Variants in ASB17 observed in about 807,000 individuals in gnomAD.
ASB17 encodes the protein ankyrin repeat and SOCS box containing 17, also known as ankyrin repeat and SOCS box protein 17.
In ASB17, 26 loss-of-function variants were observed where a neutral mutation model predicts 25.7. That is an observed-to-expected ratio of 1.01 (90% CI 0.74 to 1.40). ASB17 has a LOEUF of 1.40. Ranked by LOEUF, ASB17 falls within the 40% of genes most tolerant of loss-of-function variation. The probability of loss-of-function intolerance (pLI) is 0.00; values close to 1 mark genes in which losing one functional copy is unlikely to be tolerated. For synonymous variants in ASB17, 128 were observed against 121.4 expected, an observed-to-expected ratio of 1.05 and a Z score of -0.36; for missense variants, 326 against 338.5, an observed-to-expected ratio of 0.96 and a Z score of 0.29.
In ASB17 at chr1:75,922,248, G is replaced by T. The variant is rs769395035; in HGVS notation, c.513C>A (p.Ile171=). 3.7e-6 allele frequency: 6 copies of T among 1,613,298 alleles called. No individual in the cohort carries two copies. In the African/African-American group the frequency reaches 5.3e-5, roughly 14 times the overall value. Residue 171 remains isoleucine (I), a synonymous_variant, in exon 2 of 3, where the codon ATC becomes ATA. Transcript: ENST00000284142. ...TGATAGGGTTTTTTTCTCTTTCTAA[G>T]ATTCCATATTGCAGTAGTATTTTGA... ...NIFKILLQYG[I]LEREKNPINI... is the part of the protein sequence containing the mutation.
At chr1:75,928,996 C>T (rs1398687003) in intron 1 of ASB17, among the ~76,000 whole-genome samples, 1 of 152,058 alleles carries the variant, frequency 6.6e-6, no homozygotes, top group African/African-American at 2.4e-5. Context: ...GGTATTTATA[C>T]TGTGACCTAG....
Position 75,922,141 on chromosome 1 carries a change from G to A in ASB17, c.620C>T (p.Ala207Val). The change falls in exon 2 of 3, where the codon GCC becomes GTC. Residue 207 changes from alanine (A) to valine (V), a missense_variant. Physicochemically the swap from Ala to Val is moderately conservative, Grantham distance 64. Coordinates refer to ENST00000284142, the MANE Select transcript of ASB17 (RefSeq NM_080868.3). ...GGAACATAGTACCAAACATGTTTTGGCATCTTCATGGATGTCAGCCAATTC... is the reference window on the plus strand; with the variant it reads ...GGAACATAGTACCAAACATGTTTTGACATCTTCATGGATGTCAGCCAATTC... ...DRELADIHED[A>V]KTCLVLCSRV... is the part of the protein sequence containing the mutation. The A allele has an allele frequency of 6.2e-7, 1 of 1,613,664 alleles. No individual in the cohort carries two copies. Among genetic ancestry groups the A allele is most frequent in the Non-Finnish European group, 8.5e-7 (1 of 1,179,802 alleles).
intron 1 of ASB17, among the ~76,000 whole-genome samples, chr1:75,927,363 T>C (rs1653199600): frequency 6.6e-6 from 1 of 152,128 alleles, no homozygotes; most frequent in Admixed American, 6.5e-5. Flanking sequence ...AATTTAGAAA[T>C]CTGAAGATTA....
intron 1 of ASB17, 32 bp downstream of exon 1, chr1:75,931,859 T>C (rs1255641093): frequency 6.6e-7 from 1 of 1,518,222 alleles, no homozygotes; most frequent in Non-Finnish European, 8.8e-7. Flanking sequence ...TAAATTTTCT[T>C]GTTCTATAGT....
intron 1 of ASB17, among the ~76,000 whole-genome samples, chr1:75,927,679 C>G (rs1653208813): frequency 6.6e-6 from 1 of 151,862 alleles, no homozygotes; most frequent in Non-Finnish European, 1.5e-5. Context: ...GATCACTTTC[C>G]CCCCAACTCT....
At chr1:75,924,844 C>T (rs916245745) in intron 1 of ASB17, among the ~76,000 whole-genome samples, 1 of 151,756 alleles carries the variant, frequency 6.6e-6, no homozygotes, top group Non-Finnish European at 1.5e-5. Flanking sequence ...TCTAACTCAT[C>T]TTTATGAGAC....
Position 75,922,150 on chromosome 1 carries a change from T to A in ASB17, c.611A>T (p.His204Leu), listed in dbSNP as rs1233976593. The A allele has an allele frequency of 4.3e-6, 7 of 1,613,980 alleles. No homozygotes were observed. The highest frequency in any genetic ancestry group is 3.4e-6 in the Non-Finnish European group (4 of 1,179,894). The part of the protein sequence containing the change: ...VMVDRELADI[H>L]EDAKTCLVLC... The stretch of plus-strand genomic sequence containing the variant: ...TACCAAACATGTTTTGGCATCTTCA[T>A]GGATGTCAGCCAATTCACGATCAAC... The change falls in exon 2 of 3, where the codon CAT (histidine) becomes CTT (leucine). Residue 204 changes from histidine to leucine, a missense_variant. Coordinates refer to ENST00000284142, the MANE Select transcript of ASB17 (RefSeq NM_080868.3).
intron 1 of ASB17, among the ~76,000 whole-genome samples, chr1:75,927,305 T>G (rs1653198397): frequency 6.9e-6 from 1 of 145,490 alleles, no homozygotes. Flanking sequence ...TTGTGGTAAT[T>G]TGTTGCAGCA....
At chr1:75,921,442 G>A (rs1033490004) in intron 2 of ASB17, among the ~76,000 whole-genome samples, 5 of 152,034 alleles carry the variant, frequency 3.3e-5, no homozygotes, top group Admixed American at 1.3e-4. Context: ...TCTATTAAAC[G>A]GACTTCTTTC....
In ASB17 at chr1:75,919,108, G is replaced by A. The variant is rs2100606053; in HGVS notation, c.732C>T (p.Tyr244=). 1 of 1,613,176 alleles carries A rather than the reference G, an allele frequency of 6.2e-7. No individual in the cohort carries two copies. Reference sequence around the variant, plus strand: ...GATCTTTGTATCTTGTTGAAGGAATGTAATCAAACCAATTTGAAATAATTG... The same window carrying A: ...GATCTTTGTATCTTGTTGAAGGAATATAATCAAACCAATTTGAAATAATTG... ...RHPIISNWFD[Y]IPSTRYKDPC... The change falls in exon 3 of 3, where the codon TAC becomes TAT. Residue 244 remains tyrosine, a synonymous_variant. Transcript: ENST00000284142.
chr1:75,924,728 C>A (rs1653122473), intron 1 of ASB17, among the ~76,000 whole-genome samples: 3 of 152,062 alleles, frequency 2.0e-5, no homozygotes, highest in Admixed American at 6.6e-5. Context: ...CATTACCTAT[C>A]ATTGGTATGC....
chr1:75,926,107 A>C (rs1380633816), intron 1 of ASB17, among the ~76,000 whole-genome samples: 1 of 152,238 alleles, frequency 6.6e-6, no homozygotes, highest in Non-Finnish European at 1.5e-5. Flanking sequence ...TTCAACAAAT[A>C]CTGAATGCAT....
chr1:75,931,819 GA>G, intron 1 of ASB17, 71 bp downstream of exon 1: 1 of 1,404,406 alleles, frequency 7.1e-7, no homozygotes, highest in Non-Finnish European at 9.5e-7. Flanking sequence ...GTGAGTTTTA[GA>G]AAAAAGAAGC....
At chr1:75,929,932 G>A (rs1300659229) in intron 1 of ASB17, among the ~76,000 whole-genome samples, 1 of 150,742 alleles carries the variant, frequency 6.6e-6, no homozygotes, top group African/African-American at 2.4e-5. Context: ...TGTTAATCGG[G>A]GGTTGGGGGG....
intron 1 of ASB17, among the ~76,000 whole-genome samples, chr1:75,930,017 T>C (rs973750498): frequency 6.6e-6 from 1 of 151,848 alleles, no homozygotes; most frequent in African/African-American, 2.4e-5. Flanking sequence ...TCTATTCAGT[T>C]TGAGATGCCA....
chr1:75,924,042 C>A (rs1382219250), intron 1 of ASB17, among the ~76,000 whole-genome samples: 1 of 152,026 alleles, frequency 6.6e-6, no homozygotes, highest in East Asian at 1.9e-4. Context: ...ACTATAGAAG[C>A]ACTGAGGAGG....
chr1:75,920,486 T>C (rs17649675), intron 2 of ASB17, among the ~76,000 whole-genome samples: 40,753 of 152,168 alleles, frequency 0.27, 7,105 homozygotes, highest in East Asian at 0.7. Flanking sequence ...AGACACATCC[T>C]CTGTGCTTAC....
At chr1:75,921,725 AC>A (rs1245494439) in intron 2 of ASB17, among the ~76,000 whole-genome samples, 1 of 152,136 alleles carries the variant, frequency 6.6e-6, no homozygotes, top group Non-Finnish European at 1.5e-5. Context: ...GAGAAATGTA[AC>A]CCTTATTTTG....
chr1:75,929,148 TA>T (rs1322003198), intron 1 of ASB17, among the ~76,000 whole-genome samples: 1 of 151,990 alleles, frequency 6.6e-6, no homozygotes, highest in Admixed American at 6.6e-5. Flanking sequence ...AAAGGGAGAG[TA>T]ATACAAGATG....
Sources: gnomAD v4.1 joint callset for allele counts (sites outside exome capture counted in the v4.1 genomes callset) on GRCh38, gnomAD v4.1.1 for gene constraint, MANE v1.5 for transcripts, NCBI Gene and HGNC (gene_info 2026-07-23, HGNC 2026-07-21) for gene names.